CRTC3: variants seen among roughly 807,000 people sequenced by gnomAD.
CRTC3 encodes CREB-regulated transcription coactivator 3.
Under a neutral mutation model 74.5 loss-of-function variants are expected in CRTC3, and 26 were observed. The ratio of observed to expected loss-of-function variants is 0.35; its 90% CI spans 0.26 to 0.48. The LOEUF (loss-of-function observed/expected upper bound fraction) is 0.48, where lower values mean the gene tolerates loss of function less well. CRTC3 is among the 20% of genes least tolerant of loss of function. The pLI is 0.99. For missense variants in CRTC3, 760 were observed against 787.3 expected, an observed-to-expected ratio of 0.97 and a Z score of 0.41; for synonymous variants, 377 against 325.8, an observed-to-expected ratio of 1.16 and a Z score of -1.69.
intron 1 of CRTC3, among the ~76,000 whole-genome samples, chr15:90,531,241 ATTAT>A (rs912631618): frequency 5.3e-5 from 8 of 152,138 alleles, no homozygotes; most frequent in African/African-American, 1.7e-4. Flanking sequence ...AAATTTCCGT[ATTAT>A]TTATTTATTA....
chr15:90,550,315 T>G (rs762833485), intron 2 of CRTC3, among the ~76,000 whole-genome samples: 2 of 151,466 alleles, frequency 1.3e-5, no homozygotes, highest in Non-Finnish European at 2.9e-5. Context: ...TAATTCCAGC[T>G]ACTTGGGAGG....
intron 6 of CRTC3, among the ~76,000 whole-genome samples, chr15:90,613,336 C>T (rs769522993): frequency 6.6e-6 from 1 of 152,194 alleles, no homozygotes; most frequent in Admixed American, 6.5e-5. Flanking sequence ...CTTTCAGTCA[C>T]TTACTTAGAG....
chr15:90,634,905 C>T, intron 11 of CRTC3: 1 of 1,574,624 alleles, frequency 6.4e-7, no homozygotes, highest in Non-Finnish European at 8.7e-7. Context: ...TGGAGAGATT[C>T]AACCAGTTAG....
At chr15:90,562,780 T>C (rs992582176) in intron 2 of CRTC3, among the ~76,000 whole-genome samples, 1 of 151,734 alleles carries the variant, frequency 6.6e-6, no homozygotes, top group East Asian at 1.9e-4. Flanking sequence ...AAGGCCAGAG[T>C]TGGGAGGCAA....
chr15:90,617,579 G>A (rs1250872424), intron 7 of CRTC3, among the ~76,000 whole-genome samples: 1 of 152,082 alleles, frequency 6.6e-6, no homozygotes, highest in Non-Finnish European at 1.5e-5. Flanking sequence ...GCCCAGCCTG[G>A]AGTGCAGTGG....
chr15:90,534,561 A>AGTTGTTTG (rs1555445379), intron 1 of CRTC3, among the ~76,000 whole-genome samples: 1 of 151,466 alleles, frequency 6.6e-6, no homozygotes, highest in Non-Finnish European at 1.5e-5. Context: ...AAATGTGGTT[A>AGTTGTTTG]GTTGGTTGGT....
chr15:90,618,216 A>AAC (rs72224908), intron 8 of CRTC3: 8,427 of 255,886 alleles, frequency 0.033, 326 homozygotes, highest in Non-Finnish European at 0.046. Flanking sequence ...TAAAAAAAAA[A>AAC]AAAAAACCCT....
intron 2 of CRTC3, among the ~76,000 whole-genome samples, chr15:90,568,782 G>A (rs1169700175): frequency 3.3e-5 from 5 of 152,124 alleles, no homozygotes; most frequent in African/African-American, 7.2e-5. Context: ...CCACCCCAAC[G>A]TTCAGCAACC....
In CRTC3 at chr15:90,629,455, C is replaced by T. The variant is rs570962697; in HGVS notation, c.1189C>T (p.Pro397Ser). ...QPPVSPLTLSPGPEAHQGFSR... is the reference protein window; with the variant it reads ...QPPVSPLTLSSGPEAHQGFSR... ...TCCCGTCAGCCCTCTCACGCTTTCT[C>T]CTGGCCCTGAAGCACATCAAGGTTT... The change falls in exon 11 of 15, where the codon CCT becomes TCT. Residue 397 changes from proline (P) to serine (S), a missense_variant. Around this residue, in one of 2 missense-constraint regions of CRTC3, gnomAD observed 652 missense variants for 635.2 expected, o/e 1.03. Coordinates refer to ENST00000268184, the MANE Select transcript of CRTC3 (RefSeq NM_022769.5). The T allele has an allele frequency of 2.7e-5, 43 of 1,614,138 alleles. No individual in the cohort carries two copies. The South Asian group carries it at 4.2e-4, about 16-fold the overall frequency.
At chr15:90,593,913 C>T in intron 3 of CRTC3, 158 bp downstream of exon 3, 1 of 626,284 alleles carries the variant, frequency 1.6e-6, no homozygotes, top group Non-Finnish European at 2.5e-6. Flanking sequence ...AGAAACATCT[C>T]TGCAGTCAAC....
At chr15:90,553,446 A>G (rs1316137967) in intron 2 of CRTC3, among the ~76,000 whole-genome samples, 3 of 152,216 alleles carry the variant, frequency 2.0e-5, no homozygotes, top group Non-Finnish European at 2.9e-5. Context: ...TTTTTAATCC[A>G]TATTCGAATC....
In CRTC3 at chr15:90,561,056, C is replaced by T. The variant is rs112649925; in HGVS notation, c.231+20919C>T. Among the ~76,000 whole-genome samples the T allele has an allele frequency of 4.9e-4, 75 of 152,332 alleles. 1 individual carries two copies. The highest frequency in any genetic ancestry group is 1.6e-3 in the African/African-American group (67 of 41,584). ...TGACCACTTCCACCACTAACTAGCA[C>T]TGGATCGTAGACAAGATCGTTAGTC... On this transcript the variant is annotated intron_variant, in intron 2 of 14. Transcript: ENST00000268184.
At chr15:90,586,944 A>G (rs1165358199) in intron 2 of CRTC3, among the ~76,000 whole-genome samples, 1 of 152,210 alleles carries the variant, frequency 6.6e-6, no homozygotes, top group African/African-American at 2.4e-5. Flanking sequence ...ACTTCAGCTC[A>G]TTTCCTAACT....
At chr15:90,560,856 T>TG (rs1966996096) in intron 2 of CRTC3, among the ~76,000 whole-genome samples, 1 of 152,204 alleles carries the variant, frequency 6.6e-6, no homozygotes, top group Non-Finnish European at 1.5e-5. Context: ...GTAAGCCGCT[T>TG]GGGGGGTTCA....
chr15:90,533,691 AAC>A lies in CRTC3; in HGVS notation c.132+3492_132+3493del, dbSNP rs561440099. On this transcript the variant is annotated intron_variant, in intron 1 of 14. Transcript: ENST00000268184. ...TGGGTATATAGTAATGAGCAAGCAA[AAC>A]ACAGTGTCCCAGTGGATTTTAGGAT... is the stretch of plus-strand genomic sequence containing the variant. 1.1e-4 allele frequency among the ~76,000 whole-genome samples: 17 copies of A among 152,282 alleles called. No individual in the cohort carries two copies. In the East Asian group the frequency reaches 1.7e-3, roughly 16 times the overall value.
Position 90,642,097 on chromosome 15 carries a change from T to C in CRTC3, c.1817T>C (p.Leu606Pro). ...NMLSDSSMGL[L>P]DPSVEETFRA... ...TTAAGTGACTCCAGCATGGGCCTGC[T>C]GGACCCCTCTGTTGAAGAGACGTTT... The change falls in exon 15 of 15, where the codon CTG becomes CCG. Residue 606 changes from leucine to proline, a missense_variant. Coordinates refer to ENST00000268184, the MANE Select transcript of CRTC3 (RefSeq NM_022769.5). The C allele has an allele frequency of 6.2e-7, 1 of 1,614,050 alleles. No homozygotes were observed. The highest frequency in any genetic ancestry group is 8.5e-7 in the Non-Finnish European group (1 of 1,180,036).
chr15:90,586,084 T>C (rs1341513334), intron 2 of CRTC3, among the ~76,000 whole-genome samples: 1 of 152,226 alleles, frequency 6.6e-6, no homozygotes, highest in Non-Finnish European at 1.5e-5. Context: ...ATTCCCAGTG[T>C]TGACGATGGT....
At chr15:90,551,615 G>A (rs1966856697) in intron 2 of CRTC3, among the ~76,000 whole-genome samples, 1 of 152,022 alleles carries the variant, frequency 6.6e-6, no homozygotes, top group Non-Finnish European at 1.5e-5. Context: ...TTTCAGCACC[G>A]GATTAAGTCC....
chr15:90,564,768 G>A (rs1271116498), intron 2 of CRTC3, among the ~76,000 whole-genome samples: 2 of 152,180 alleles, frequency 1.3e-5, no homozygotes, highest in African/African-American at 4.8e-5. Context: ...TGTTGTCACT[G>A]TAAGCAATGA....
Sources: gnomAD v4.1 joint callset for allele counts (sites outside exome capture counted in the v4.1 genomes callset) on GRCh38, gnomAD v4.1.1 for gene constraint, gnomAD v4.1.1 regional missense constraint, MANE v1.5 for transcripts, NCBI Gene and HGNC (gene_info 2026-07-23, HGNC 2026-07-21) for gene names.